Variants in CYFIP2 observed in about 807,000 individuals in gnomAD.
The protein encoded by CYFIP2 is cytoplasmic FMR1 interacting protein 2, also known as cytoplasmic FMR1-interacting protein 2.
CYFIP2 carries 29 observed loss-of-function variants against 158.7 expected under a neutral mutation model. That is an observed-to-expected ratio of 0.18 (90% CI 0.14 to 0.25). The LOEUF (loss-of-function observed/expected upper bound fraction) is 0.25, where lower values mean the gene tolerates loss of function less well. CYFIP2 is among the 10% of genes least tolerant of loss of function. The pLI, the probability that CYFIP2 is intolerant of heterozygous loss-of-function variation, is 1.00. For synonymous variants in CYFIP2, 585 were observed against 617.6 expected (o/e 0.95, Z 0.78); for missense variants, 852 against 1,639.5 (o/e 0.52, Z 8.29).
intron 21 of CYFIP2, among the ~76,000 whole-genome samples, chr5:157,336,865 G>A (rs1003802987): frequency 6.6e-6 from 1 of 152,216 alleles, no homozygotes; most frequent in African/African-American, 2.4e-5. Flanking sequence ...TTCAAGGCCA[G>A]AAGAACAAAT....
At position 157,279,278 on chromosome 5, in the gene CYFIP2, A is replaced by C. The variant is rs556108087; in HGVS notation, c.-23-6061A>C. ...GAACATGCTATTGTTTATATAGCTCATAAGTGGCAGATGACAGATTGAAAC... is the reference window on the plus strand; with the variant it reads ...GAACATGCTATTGTTTATATAGCTCCTAAGTGGCAGATGACAGATTGAAAC... On this transcript the variant is annotated intron_variant, in intron 1 of 30. Transcript: ENST00000620254. Among the ~76,000 whole-genome samples, 6 of 152,348 alleles carry C rather than the reference A, an allele frequency of 3.9e-5. No homozygotes were observed. The East Asian group carries it at 9.6e-4, about 24-fold the overall frequency.
intron 23 of CYFIP2, chr5:157,341,975 C>T (rs890702681): frequency 1.3e-5 from 2 of 152,462 alleles, no homozygotes; most frequent in African/African-American, 4.8e-5. Flanking sequence ...AAAAACAGCA[C>T]TTCCCTTTTC....
intron 26 of CYFIP2, chr5:157,377,063 A>G: frequency 3.1e-6 from 1 of 319,404 alleles, no homozygotes; most frequent in Non-Finnish European, 6.3e-6. Context: ...GCCTCTGCTC[A>G]CTTCCTTCTA....
At chr5:157,288,008 G>A (rs1195262063) in intron 3 of CYFIP2, among the ~76,000 whole-genome samples, 1 of 151,990 alleles carries the variant, frequency 6.6e-6, no homozygotes, top group Non-Finnish European at 1.5e-5. Context: ...TGGGAGGATT[G>A]CTTGAGCCCA....
chr5:157,319,154 A>G (rs1294683097), intron 13 of CYFIP2, among the ~76,000 whole-genome samples: 2 of 152,194 alleles, frequency 1.3e-5, no homozygotes, highest in Admixed American at 6.5e-5. Flanking sequence ...CTCTCATCAC[A>G]CGTGCCTGAA....
At chr5:157,390,778 G>C in intron 30 of CYFIP2, 110 bp downstream of exon 30, 1 of 1,504,718 alleles carries the variant, frequency 6.6e-7, no homozygotes, top group Admixed American at 2.2e-5. Flanking sequence ...CTCCCCACAC[G>C]GCAAGTACAA....
rs1340812030 is a variant in CYFIP2 at position 157,389,223 on chromosome 5, C to G, written c.3242C>G (p.Thr1081Ser). The change falls in exon 29 of 31, where the codon ACC becomes AGC. Residue 1081 changes from threonine to serine, a missense_variant. Coordinates refer to ENST00000620254, the MANE Select transcript of CYFIP2 (RefSeq NM_001037333.3). ...IAIAREGDLL[T>S]KERLCCGLSM... ...ATTGCTCGCGAGGGTGACCTCCTGA[C>G]CAAGGAGCGGCTGTGCTGTGGCCTG... 1 of 1,613,560 alleles carries G rather than the reference C, an allele frequency of 6.2e-7. No homozygotes were observed. Among genetic ancestry groups the G allele is most frequent in the Non-Finnish European group, 8.5e-7 (1 of 1,179,562 alleles).
rs1343585643 is a variant in CYFIP2 at position 157,361,229 on chromosome 5, GTGTGTGTGCA to G, written c.2909-229_2909-220del. Among the ~76,000 whole-genome samples, 7 of 152,246 alleles carry G rather than the reference GTGTGTGTGCA, an allele frequency of 4.6e-5. No homozygotes were observed. In the East Asian group the frequency reaches 9.7e-4, roughly 21 times the overall value. On this transcript the variant is annotated intron_variant, in intron 25 of 30. Coordinates refer to ENST00000620254, the MANE Select transcript of CYFIP2 (RefSeq NM_001037333.3). This position sits in a 1 kb window ranked among gnomAD's most constrained non-coding sequence, Gnocchi z 4.4. ...GCCTCATTTGTGTGCCTGTGTTTGT[GTGTGTGTGCA>G]TGTGTGTGCGTGTGTGTGTTCTGAA...
At chr5:157,358,023 T>C (rs1010789346) in intron 23 of CYFIP2, among the ~76,000 whole-genome samples, 2 of 152,090 alleles carry the variant, frequency 1.3e-5, no homozygotes, top group Non-Finnish European at 2.9e-5. Context: ...ATCTGTGAAA[T>C]GGGGCTAATA....
chr5:157,375,279 TAAG>T (rs1421632278), intron 26 of CYFIP2, among the ~76,000 whole-genome samples: 2 of 152,212 alleles, frequency 1.3e-5, no homozygotes, highest in Admixed American at 6.5e-5. Flanking sequence ...CTTCATTTAA[TAAG>T]AAGTATTGCT....
chr5:157,345,189 G>T (rs1489919707), intron 23 of CYFIP2, among the ~76,000 whole-genome samples: 1 of 152,180 alleles, frequency 6.6e-6, no homozygotes, highest in Admixed American at 6.5e-5. Context: ...CGACCACGAT[G>T]AAAAGAGCTT....
chr5:157,355,644 C>T (rs546514505), intron 23 of CYFIP2, among the ~76,000 whole-genome samples: 2 of 152,310 alleles, frequency 1.3e-5, no homozygotes, highest in Admixed American at 6.5e-5. Flanking sequence ...GAGAATCAGA[C>T]AGAAAATATA....
intron 1 of CYFIP2, among the ~76,000 whole-genome samples, chr5:157,278,489 TG>T (rs1756736580): frequency 6.6e-6 from 1 of 152,200 alleles, no homozygotes; most frequent in Admixed American, 6.5e-5. Flanking sequence ...CAAGGTATCC[TG>T]TTTCTACCCT....
intron 26 of CYFIP2, among the ~76,000 whole-genome samples, chr5:157,370,646 CT>C (rs376030126): frequency 5.9e-5 from 9 of 152,370 alleles, no homozygotes; most frequent in African/African-American, 2.2e-4. Flanking sequence ...AACTTGCTCA[CT>C]GTGTGGCTCA....
chr5:157,279,589 C>G (rs10046060), intron 1 of CYFIP2, among the ~76,000 whole-genome samples: 4,494 of 152,226 alleles, frequency 0.03, 238 homozygotes, highest in African/African-American at 0.1. Context: ...AAGCAAATTG[C>G]TTGTGTGCCC....
chr5:157,376,754 A>G (rs1245580417), intron 26 of CYFIP2: 4 of 327,628 alleles, frequency 1.2e-5, no homozygotes, highest in Admixed American at 1.0e-4. Context: ...CACTTATGCA[A>G]ACCTTGCACT....
intron 25 of CYFIP2, among the ~76,000 whole-genome samples, chr5:157,360,682 A>G (rs1047563115): frequency 3.4e-4 from 51 of 152,090 alleles, no homozygotes; most frequent in African/African-American, 1.2e-3. Context: ...TGAGCTCAGC[A>G]CCTCCAGGAG....
intron 30 of CYFIP2, among the ~76,000 whole-genome samples, chr5:157,392,146 G>A (rs1767363912): frequency 6.6e-6 from 1 of 151,968 alleles, no homozygotes; most frequent in East Asian, 1.9e-4. Flanking sequence ...ACATATTCTA[G>A]ATATTACTTA....
intron 20 of CYFIP2, 123 bp from the exon 21 acceptor site, chr5:157,333,204 C>G: frequency 7.9e-7 from 1 of 1,268,934 alleles, no homozygotes; most frequent in Non-Finnish European, 1.1e-6. Context: ...CTCCAGGAAA[C>G]CCCTCCCACC....
Sources: allele counts gnomAD v4.1 joint callset (sites outside exome capture counted in the v4.1 genomes callset), GRCh38; gene constraint gnomAD v4.1.1; non-coding constraint Gnocchi (gnomAD v3.1); transcripts MANE v1.5; gene names NCBI Gene and HGNC (gene_info 2026-07-23, HGNC 2026-07-21).